Variants in TPRG1 observed in about 807,000 individuals in gnomAD.
The protein encoded by TPRG1 is tumor protein p63 regulated 1, also known as tumor protein p63-regulated gene 1 protein.
Under a neutral mutation model 29.3 loss-of-function variants are expected in TPRG1, and 29 were observed. The ratio of observed to expected loss-of-function variants is 0.99; its 90% CI spans 0.74 to 1.35. TPRG1 has a LOEUF of 1.35. Ranked by LOEUF, TPRG1 falls within the 40% of genes most tolerant of loss-of-function variation. TPRG1 has a pLI of 0.00. For missense variants in TPRG1, 327 were observed against 335.0 expected, an observed-to-expected ratio of 0.98 and a Z score of 0.19; for synonymous variants, 130 against 116.8, an observed-to-expected ratio of 1.11 and a Z score of -0.73.
chr3:189,050,920 C>T (rs1360073356), intron 4 of TPRG1, among the ~76,000 whole-genome samples: 1 of 152,086 alleles, frequency 6.6e-6, no homozygotes, highest in Non-Finnish European at 1.5e-5. Flanking sequence ...AATCGGCATG[C>T]AAGGGACATA....
chr3:189,272,736 C>CTTCG (rs1312584260), intron 4 of TPRG1, among the ~76,000 whole-genome samples: 2 of 140,260 alleles, frequency 1.4e-5, no homozygotes, highest in African/African-American at 3.0e-5. Flanking sequence ...TCCTTCCTTC[C>CTTCG]TTCCTTCCTT....
At chr3:189,218,408 G>A (rs1465258171) in intron 3 of TPRG1, among the ~76,000 whole-genome samples, 2 of 152,044 alleles carry the variant, frequency 1.3e-5, no homozygotes, top group African/African-American at 4.8e-5. Context: ...GAGCCATCGC[G>A]CCCGGCCGAG....
intron 4 of TPRG1, among the ~76,000 whole-genome samples, chr3:189,276,881 CTT>C (rs796373618): frequency 4.0e-5 from 6 of 148,410 alleles, no homozygotes; most frequent in Admixed American, 2.0e-4. Context: ...TTCCTCCTTT[CTT>C]TTTTTTTTAG....
At chr3:189,001,738 T>C (rs769144297) in intron 2 of TPRG1, among the ~76,000 whole-genome samples, 17 of 151,860 alleles carry the variant, frequency 1.1e-4, no homozygotes, top group African/African-American at 3.6e-4. Context: ...GCTCAAGATA[T>C]GGAAGTCATG....
At chr3:189,035,274 A>G (rs1474673550) in intron 4 of TPRG1, among the ~76,000 whole-genome samples, 1 of 152,186 alleles carries the variant, frequency 6.6e-6, no homozygotes, top group Non-Finnish European at 1.5e-5. Context: ...TTCACCATAT[A>G]CAAAAATTAA....
At chr3:189,306,883 GT>G (rs1721713878) in intron 4 of TPRG1, among the ~76,000 whole-genome samples, 1 of 152,192 alleles carries the variant, frequency 6.6e-6, no homozygotes, top group Non-Finnish European at 1.5e-5. Flanking sequence ...ACACAAGCTA[GT>G]GAAAGTCATG....
At chr3:189,221,307 C>A (rs1054945258) in intron 3 of TPRG1, among the ~76,000 whole-genome samples, 1 of 152,180 alleles carries the variant, frequency 6.6e-6, no homozygotes, top group Non-Finnish European at 1.5e-5. Context: ...AATCTAGGCT[C>A]AGAAGAGTAG....
At chr3:189,007,610 T>C (rs1357976709) in intron 3 of TPRG1, among the ~76,000 whole-genome samples, 42 of 150,980 alleles carry the variant, frequency 2.8e-4, no homozygotes, top group African/African-American at 6.6e-4. Context: ...ATGTTTATTG[T>C]GGCATTATTC....
intron 4 of TPRG1, among the ~76,000 whole-genome samples, chr3:189,068,627 T>C (rs1021542495): frequency 6.6e-6 from 1 of 152,102 alleles, no homozygotes; most frequent in Admixed American, 6.5e-5. Context: ...ATATAAAAAA[T>C]TAGCCAGGCG....
chr3:189,215,471 A>G, intron 3 of TPRG1, 88 bp downstream of exon 3: 1 of 1,088,552 alleles, frequency 9.2e-7, no homozygotes, highest in East Asian at 2.5e-5. Flanking sequence ...GACCTGTGGT[A>G]GAATTTCTCT....
At chr3:189,029,466 A>T (rs955142025) in intron 4 of TPRG1, among the ~76,000 whole-genome samples, 3 of 152,240 alleles carry the variant, frequency 2.0e-5, no homozygotes, top group African/African-American at 7.2e-5. Context: ...ATTATAGAAC[A>T]GACAAAAGCA....
chr3:189,015,439 A>G (rs1027058837), intron 3 of TPRG1, among the ~76,000 whole-genome samples: 1 of 152,222 alleles, frequency 6.6e-6, no homozygotes, highest in South Asian at 2.1e-4. Context: ...GAGAAGAAAA[A>G]AACATTTTCT....
chr3:189,145,379 C>T (rs1725133577), intron 3 of TPRG1, among the ~76,000 whole-genome samples: 1 of 98,174 alleles, frequency 1.0e-5, no homozygotes, highest in South Asian at 3.9e-4. Context: ...AAAAACATGC[C>T]AAACTAAAAC....
At chr3:189,289,918 A>G (rs755674236) in intron 4 of TPRG1, among the ~76,000 whole-genome samples, 6 of 152,228 alleles carry the variant, frequency 3.9e-5, no homozygotes, top group Non-Finnish European at 8.8e-5. Context: ...TAAACATGCC[A>G]TATCTACCTG....
chr3:189,185,960 C>T (rs1730865915), intron 1 of TPRG1, among the ~76,000 whole-genome samples: 1 of 152,082 alleles, frequency 6.6e-6, no homozygotes, highest in Admixed American at 6.6e-5. Flanking sequence ...GTATTATACT[C>T]CATGATAGAT....
chr3:189,248,496 A>G (rs1741687569), intron 4 of TPRG1, among the ~76,000 whole-genome samples: 1 of 151,234 alleles, frequency 6.6e-6, no homozygotes, highest in Non-Finnish European at 1.5e-5. Flanking sequence ...TATTAATTCT[A>G]TATTTGTATA....
intron 3 of TPRG1, among the ~76,000 whole-genome samples, chr3:189,022,247 C>A (rs1372910630): frequency 6.6e-6 from 1 of 151,930 alleles, no homozygotes; most frequent in South Asian, 2.1e-4. Context: ...AAGTCATTCT[C>A]CTTCCAGCTT....
chr3:189,259,556 C>A (rs920133410), intron 4 of TPRG1, among the ~76,000 whole-genome samples: 2 of 143,506 alleles, frequency 1.4e-5, no homozygotes, highest in Non-Finnish European at 3.1e-5. Flanking sequence ...CCAACCCCCA[C>A]CTCCTGGGTT....
chr3:189,132,678 A>G (rs1723232422), exon 3 of TPRG1: 1 of 152,190 alleles, frequency 6.6e-6, no homozygotes, highest in South Asian at 2.1e-4. Flanking sequence ...AGGCCACTGA[A>G]CTGTCAGGCG....
Sources: allele counts gnomAD v4.1 joint callset (sites outside exome capture counted in the v4.1 genomes callset), GRCh38; gene constraint gnomAD v4.1.1; transcripts MANE v1.5; gene names NCBI Gene and HGNC (gene_info 2026-07-23, HGNC 2026-07-21).